The following GALNTL6 variants were observed in gnomAD, a reference collection of about 807,000 sequenced individuals.
GALNTL6 encodes polypeptide N-acetylgalactosaminyltransferase-like 6.
Under a neutral mutation model 73.7 loss-of-function variants are expected in GALNTL6, and 46 were observed. The observed-to-expected ratio is 0.62, with a 90% CI of 0.49 to 0.80. The LOEUF (loss-of-function observed/expected upper bound fraction) is 0.80. Ranked by LOEUF, GALNTL6 falls within the 30% of genes least tolerant of loss-of-function variation. The pLI, the probability that GALNTL6 is intolerant of heterozygous loss-of-function variation, is 0.00. For missense variants in GALNTL6, 604 were observed against 755.0 expected (o/e 0.80, Z 2.34); for synonymous variants, 259 against 263.7 (o/e 0.98, Z 0.17).
chr4:172,052,418 G>T, intron 2 of GALNTL6: 1 of 1,521,998 alleles, frequency 6.6e-7, no homozygotes, highest in Non-Finnish European at 8.8e-7. Context: ...CAGATGGGCT[G>T]TTTACCCCAA....
chr4:171,988,138 G>C (rs1055456183), intron 2 of GALNTL6, among the ~76,000 whole-genome samples: 14 of 152,166 alleles, frequency 9.2e-5, no homozygotes, highest in Non-Finnish European at 1.8e-4. Context: ...TGAGGGCTAG[G>C]CTAAAACAGT....
intron 5 of GALNTL6, among the ~76,000 whole-genome samples, chr4:172,649,238 G>A (rs533272820): frequency 6.6e-6 from 1 of 152,166 alleles, no homozygotes; most frequent in Non-Finnish European, 1.5e-5. Flanking sequence ...AGCAACCTCA[G>A]CCACTGCTAG....
At chr4:171,919,441 T>A (rs1205112329) in intron 2 of GALNTL6, among the ~76,000 whole-genome samples, 1 of 152,080 alleles carries the variant, frequency 6.6e-6, no homozygotes, top group East Asian at 1.9e-4. Context: ...TAAGGACTTG[T>A]TAGAAGACGG....
Position 172,861,248 on chromosome 4 carries a change from A to G in GALNTL6, c.924-21542A>G, listed in dbSNP as rs1440968216. ...AAACTTTTTGTTTCATCAGTAGGTT[A>G]TGCCTAAACTCTCCTGTTTCTGGAA... On this transcript the variant is annotated intron_variant, in intron 7 of 12. Transcript: ENST00000506823. Among the ~76,000 whole-genome samples the G allele has an allele frequency of 2.6e-5, 4 of 151,930 alleles. No homozygotes were observed. The East Asian group carries it at 7.7e-4, about 29-fold the overall frequency.
chr4:173,011,748 A>G (rs1379932910), intron 11 of GALNTL6, among the ~76,000 whole-genome samples: 1 of 152,184 alleles, frequency 6.6e-6, no homozygotes, highest in East Asian at 1.9e-4. Flanking sequence ...ATTGCTTTTA[A>G]TTGAAAAACA....
At chr4:172,406,275 C>T in intron 5 of GALNTL6, among the ~76,000 whole-genome samples, 1 of 151,974 alleles carries the variant, frequency 6.6e-6, no homozygotes, top group Non-Finnish European at 1.5e-5. Context: ...ATTCTTCTGC[C>T]TCAGCCAAGT....
At position 173,021,550 on chromosome 4, in the gene GALNTL6, G is replaced by A. The variant is rs758426775; in HGVS notation, c.1563G>A (p.Ala521=). The change falls in exon 12 of 13, where the codon GCG becomes GCA. Residue 521 remains alanine (A), a synonymous_variant. Coordinates refer to ENST00000506823, the MANE Select transcript of GALNTL6 (RefSeq NM_001034845.3). The part of the protein sequence containing the change: ...PLHTRKFCFD[A]ISHNSPVTLY... ...ATACCCGGAAATTCTGCTTTGATGC[G>A]ATCTCACACAACAGCCCCGTTACAC... 8.1e-6 allele frequency: 13 copies of A among 1,614,004 alleles called. No individual in the cohort carries two copies. The highest frequency in any genetic ancestry group is 3.3e-5 in the South Asian group (3 of 91,082).
intron 5 of GALNTL6, among the ~76,000 whole-genome samples, chr4:172,406,973 TC>T (rs1169932625): frequency 6.6e-6 from 1 of 152,016 alleles, no homozygotes; most frequent in South Asian, 2.1e-4. Flanking sequence ...ATTACAGAAA[TC>T]ATCTGATATC....
At position 172,923,886 on chromosome 4, in the gene GALNTL6, G is replaced by T. The variant is rs916747527; in HGVS notation, c.1042-7275G>T. Reference sequence around the variant, plus strand: ...CGTGAGACTTACTACCACGAGAACAGCACAGGAAAGACCTGCCCCCATGAT... The same window carrying T: ...CGTGAGACTTACTACCACGAGAACATCACAGGAAAGACCTGCCCCCATGAT... On this transcript the variant is annotated intron_variant, in intron 8 of 12. Transcript: ENST00000506823. 5.3e-5 allele frequency among the ~76,000 whole-genome samples: 8 copies of T among 152,106 alleles called. 1 individual carries two copies. The South Asian group carries it at 1.7e-3, about 32-fold the overall frequency.
At chr4:171,859,125 TG>T (rs1258228392) in intron 2 of GALNTL6, among the ~76,000 whole-genome samples, 1 of 152,162 alleles carries the variant, frequency 6.6e-6, no homozygotes, top group East Asian at 1.9e-4. Context: ...TCAACACAGG[TG>T]TATCTTTCTG....
At chr4:172,220,570 A>G (rs1481557389) in intron 2 of GALNTL6, among the ~76,000 whole-genome samples, 1 of 151,810 alleles carries the variant, frequency 6.6e-6, no homozygotes, top group African/African-American at 2.4e-5. Flanking sequence ...CCTGAAGAAA[A>G]AGAAGTTTGT....
intron 3 of GALNTL6, among the ~76,000 whole-genome samples, chr4:172,310,374 G>A (rs900690964): frequency 1.3e-5 from 2 of 151,836 alleles, no homozygotes; most frequent in Non-Finnish European, 2.9e-5. Context: ...GGGTTCAAGC[G>A]ATTTTCATTC....
intron 5 of GALNTL6, among the ~76,000 whole-genome samples, chr4:172,543,532 C>T (rs1735650839): frequency 6.6e-6 from 1 of 152,148 alleles, no homozygotes; most frequent in Non-Finnish European, 1.5e-5. Flanking sequence ...TTAAAGCTTC[C>T]TGGGTCGTAG....
At chr4:172,311,791 T>TG in intron 4 of GALNTL6, 39 bp downstream of exon 4, 2 of 1,425,180 alleles carry the variant, frequency 1.4e-6, no homozygotes, top group South Asian at 3.2e-5. Context: ...TGGGTTTTTT[T>TG]GGTTTTTTTT....
At chr4:171,828,838 G>A (rs929676159) in intron 2 of GALNTL6, among the ~76,000 whole-genome samples, 4 of 151,968 alleles carry the variant, frequency 2.6e-5, no homozygotes, top group Admixed American at 1.3e-4. Flanking sequence ...CTAGTTGTTC[G>A]AGATCAGGCT....
In GALNTL6 at chr4:172,741,800, G is replaced by T. The variant is rs115602765; in HGVS notation, c.554-67561G>T. On this transcript the variant is annotated intron_variant, in intron 5 of 12. Coordinates refer to ENST00000506823, the MANE Select transcript of GALNTL6 (RefSeq NM_001034845.3). ...GAAGACAGTTTCACTCTCCGCCTAA[G>T]AATAGAAGACATCAAGTTCCAACAT... Among the ~76,000 whole-genome samples the T allele has an allele frequency of 4.7e-3, 721 of 152,048 alleles. 7 individuals are homozygous for T. Among genetic ancestry groups the T allele is most frequent in the African/African-American group, 0.016 (671 of 41,512 alleles).
intron 5 of GALNTL6, among the ~76,000 whole-genome samples, chr4:172,712,499 T>C (rs546832881): frequency 4.6e-5 from 7 of 152,232 alleles, no homozygotes; most frequent in Admixed American, 2.0e-4. Context: ...TTTACCATTC[T>C]TTTTACATTA....
At chr4:172,371,848 C>T (rs562832266) in intron 5 of GALNTL6, among the ~76,000 whole-genome samples, 1 of 152,294 alleles carries the variant, frequency 6.6e-6, no homozygotes, top group African/African-American at 2.4e-5. Flanking sequence ...GGAAGACTGC[C>T]ACCACCTTGG....
At chr4:172,738,958 A>G (rs903681438) in intron 5 of GALNTL6, among the ~76,000 whole-genome samples, 1 of 152,204 alleles carries the variant, frequency 6.6e-6, no homozygotes, top group African/African-American at 2.4e-5. Flanking sequence ...TGTAGAGACC[A>G]AAGTTTTACC....
Sources: gnomAD v4.1 joint callset for allele counts (sites outside exome capture counted in the v4.1 genomes callset) on GRCh38, gnomAD v4.1.1 for gene constraint, MANE v1.5 for transcripts, NCBI Gene and HGNC (gene_info 2026-07-23, HGNC 2026-07-21) for gene names.